COMMD1: variants seen among roughly 807,000 people sequenced by gnomAD.
The protein encoded by COMMD1 is copper metabolism domain containing 1.
A neutral mutation model predicts 17.2 loss-of-function variants in COMMD1; 10 were observed. The ratio of observed to expected loss-of-function variants is 0.58; its 90% CI spans 0.36 to 0.99. The LOEUF is 0.99. Among genes scored for constraint, COMMD1 ranks in the 50% least tolerant of loss-of-function variants. The pLI is 0.01. For synonymous variants in COMMD1, 97 were observed against 91.6 expected, an observed-to-expected ratio of 1.06 and a Z score of -0.34; for missense variants, 270 against 231.8, an observed-to-expected ratio of 1.17 and a Z score of -1.07.
intron 2 of COMMD1, among the ~76,000 whole-genome samples, chr2:62,034,108 A>G (rs929756255): frequency 5.9e-5 from 9 of 151,682 alleles, no homozygotes; most frequent in South Asian, 2.1e-4. Flanking sequence ...AAAAAAAAAA[A>G]AAAGAAATGT....
chr2:62,087,783 A>T (rs1671709624), intron 2 of COMMD1, among the ~76,000 whole-genome samples: 1 of 152,218 alleles, frequency 6.6e-6, no homozygotes. Context: ...TTTCATAAAA[A>T]TGCCTTCTGA....
intron 1 of COMMD1, among the ~76,000 whole-genome samples, chr2:61,911,308 CTA>C (rs1313336729): frequency 6.6e-6 from 1 of 152,068 alleles, no homozygotes; most frequent in Non-Finnish European, 1.5e-5. Context: ...AACCCCGTCT[CTA>C]TTAAAAATAC....
intron 2 of COMMD1, among the ~76,000 whole-genome samples, chr2:62,042,977 G>A (rs924357602): frequency 1.3e-5 from 2 of 152,150 alleles, no homozygotes; most frequent in African/African-American, 4.8e-5. Context: ...TTTCTGTGAC[G>A]TTTTAAACAG....
At chr2:62,067,546 T>C (rs1307580545) in intron 2 of COMMD1, among the ~76,000 whole-genome samples, 1 of 152,182 alleles carries the variant, frequency 6.6e-6, no homozygotes, top group East Asian at 1.9e-4. Context: ...TTATTTAATA[T>C]TAGTTTTACA....
chr2:61,949,824 TAGAC>T (rs773870210), intron 1 of COMMD1, among the ~76,000 whole-genome samples: 1 of 152,174 alleles, frequency 6.6e-6, no homozygotes, highest in African/African-American at 2.4e-5. Context: ...ATCTTTTATT[TAGAC>T]AGACTCCCTT....
At chr2:62,068,488 TAA>T (rs1426156331) in intron 2 of COMMD1, among the ~76,000 whole-genome samples, 2 of 152,138 alleles carry the variant, frequency 1.3e-5, no homozygotes, top group Admixed American at 6.5e-5. Flanking sequence ...TCATCAAAAT[TAA>T]AAACTTCTGC....
chr2:62,108,606 T>G (rs1672377554), intron 2 of COMMD1, among the ~76,000 whole-genome samples: 1 of 152,184 alleles, frequency 6.6e-6, no homozygotes. Context: ...GACTCTAGAA[T>G]CATCTCAGGT....
chr2:61,896,843 T>A (rs542633336), intron 1 of COMMD1, among the ~76,000 whole-genome samples: 1 of 151,636 alleles, frequency 6.6e-6, no homozygotes, highest in East Asian at 1.9e-4. Context: ...TTTGTTTTTT[T>A]TAGACAGTCT....
intron 2 of COMMD1, among the ~76,000 whole-genome samples, chr2:62,119,926 G>A (rs1381967991): frequency 6.6e-6 from 1 of 152,198 alleles, no homozygotes; most frequent in Non-Finnish European, 1.5e-5. Context: ...TGTTCAGCCT[G>A]TAGTGATGTG....
At chr2:62,112,157 C>T (rs151138920) in intron 2 of COMMD1, among the ~76,000 whole-genome samples, 6 of 152,270 alleles carry the variant, frequency 3.9e-5, no homozygotes, top group African/African-American at 1.4e-4. Flanking sequence ...TCTTCATGGT[C>T]GAACCTGGCC....
intron 2 of COMMD1, among the ~76,000 whole-genome samples, chr2:62,056,734 ACCACAAAAGAC>A (rs1247391915): frequency 2.0e-5 from 3 of 152,158 alleles, no homozygotes; most frequent in Non-Finnish European, 4.4e-5. Flanking sequence ...TTACTTTCCA[ACCACAAAAGAC>A]CCATGAGTTG....
chr2:61,889,389 CAT>C (rs1669359784), intron 1 of COMMD1, among the ~76,000 whole-genome samples: 1 of 151,724 alleles, frequency 6.6e-6, no homozygotes, highest in Non-Finnish European at 1.5e-5. Flanking sequence ...GTATTCGAAA[CAT>C]AGCGAGACTG....
intron 2 of COMMD1, among the ~76,000 whole-genome samples, chr2:62,115,926 C>G (rs1321969405): frequency 1.4e-5 from 2 of 139,516 alleles, no homozygotes; most frequent in East Asian, 4.3e-4. Flanking sequence ...GATCTTGGCT[C>G]ACTGCAACTT....
intron 2 of COMMD1, among the ~76,000 whole-genome samples, chr2:62,089,036 A>G (rs1029201517): frequency 1.2e-4 from 18 of 152,148 alleles, no homozygotes; most frequent in African/African-American, 4.1e-4. Context: ...TAATAAGGAA[A>G]TGTTCAGGTT....
intron 1 of COMMD1, among the ~76,000 whole-genome samples, chr2:61,889,180 G>A (rs1422662714): frequency 6.8e-6 from 1 of 147,598 alleles, no homozygotes; most frequent in Non-Finnish European, 1.5e-5. Context: ...TGGGATTACA[G>A]GCGTCAGCCA....
chr2:62,105,304 T>C (rs1045593219), intron 2 of COMMD1, among the ~76,000 whole-genome samples: 3 of 152,284 alleles, frequency 2.0e-5, no homozygotes, highest in Admixed American at 2.0e-4. Flanking sequence ...GTCACCTTCC[T>C]TGCCTATACT....
At chr2:61,976,276 T>TA (rs1355206144) in intron 1 of COMMD1, among the ~76,000 whole-genome samples, 1 of 150,046 alleles carries the variant, frequency 6.7e-6, no homozygotes, top group East Asian at 1.9e-4. Flanking sequence ...ATGTTGTCTA[T>TA]AAAAAACCCA....
intron 1 of COMMD1, among the ~76,000 whole-genome samples, chr2:61,920,659 A>G: frequency 6.6e-6 from 1 of 152,112 alleles, no homozygotes; most frequent in South Asian, 2.1e-4. Flanking sequence ...TAAGTTAGTT[A>G]CTGGGTAAAA....
At chr2:61,914,675 G>T (rs960527581) in intron 1 of COMMD1, among the ~76,000 whole-genome samples, 2 of 152,010 alleles carry the variant, frequency 1.3e-5, no homozygotes, top group Admixed American at 1.3e-4. Flanking sequence ...TCAGCACTTT[G>T]ATTTGTTTTC....
Sources: allele counts gnomAD v4.1 joint callset (sites outside exome capture counted in the v4.1 genomes callset), GRCh38; gene constraint gnomAD v4.1.1; transcripts MANE v1.5; gene names NCBI Gene and HGNC (gene_info 2026-07-23, HGNC 2026-07-21).